The following DCBLD2 variants were observed in gnomAD, a reference collection of about 807,000 sequenced individuals.
DCBLD2 encodes the protein discoidin, CUB and LCCL domain containing 2.
DCBLD2 carries 54 observed loss-of-function variants against 86.8 expected under a neutral mutation model. The ratio of observed to expected loss-of-function variants is 0.62; its 90% CI spans 0.50 to 0.78. The LOEUF (loss-of-function observed/expected upper bound fraction) is 0.78. Among genes scored for constraint, DCBLD2 ranks in the 30% least tolerant of loss-of-function variants. The pLI, the probability that DCBLD2 is intolerant of heterozygous loss-of-function variation, is 0.00. For synonymous variants in DCBLD2, 354 were observed against 341.3 expected (o/e 1.04, Z -0.41); for missense variants, 908 against 954.2 (o/e 0.95, Z 0.64).
At chr3:98,854,032 A>C (rs1942888353) in intron 2 of DCBLD2, among the ~76,000 whole-genome samples, 1 of 152,160 alleles carries the variant, frequency 6.6e-6, no homozygotes. Context: ...TAGTCTCAAA[A>C]ACAAAATTTG....
chr3:98,827,776 C>T (rs944768428), intron 3 of DCBLD2, among the ~76,000 whole-genome samples: 1 of 152,184 alleles, frequency 6.6e-6, no homozygotes, highest in African/African-American at 2.4e-5. Context: ...AAACAGCCTT[C>T]CAGAAAATTG....
chr3:98,840,800 G>A (rs752237589), intron 3 of DCBLD2, among the ~76,000 whole-genome samples: 5 of 152,158 alleles, frequency 3.3e-5, no homozygotes, highest in Non-Finnish European at 5.9e-5. Flanking sequence ...TATTTGCTAC[G>A]TTTTAAACTG....
chr3:98,883,386 A>AT (rs1202724003), intron 1 of DCBLD2, among the ~76,000 whole-genome samples: 6 of 152,120 alleles, frequency 3.9e-5, no homozygotes, highest in African/African-American at 1.4e-4. Flanking sequence ...CGCACACCTT[A>AT]TTTTTTCCCT....
chr3:98,821,773 C>T (rs1454311603), intron 6 of DCBLD2, among the ~76,000 whole-genome samples: 2 of 152,098 alleles, frequency 1.3e-5, no homozygotes, highest in African/African-American at 4.8e-5. Flanking sequence ...ACTGGCTGGG[C>T]ACGGTGGGTC....
Position 98,901,567 on chromosome 3 carries a change from AGCGGAGTCCTCGAGCC to A in DCBLD2, c.-257_-242del, listed in dbSNP as rs1943853648. ...GAGCGCAGGGGAGGGGAGGGAAGGAAGCGGAGTCCTCGAGCCGCGGAGGACGGCCGCGGCGGAGCTA... is the reference window on the plus strand; with the variant it reads ...GAGCGCAGGGGAGGGGAGGGAAGGAAGCGGAGGACGGCCGCGGCGGAGCTA... On this transcript the variant is annotated 5_prime_UTR_variant, in exon 1 of 16. Transcript: ENST00000326840. 2 of 339,672 alleles carry A rather than the reference AGCGGAGTCCTCGAGCC, an allele frequency of 5.9e-6. No homozygotes were observed. Among genetic ancestry groups the A allele is most frequent in the African/African-American group, 2.2e-5 (1 of 46,440 alleles). The allele number at this position is 339,672 out of a possible 1,614,324, so 21.0% of individuals were successfully genotyped here.
intron 2 of DCBLD2, among the ~76,000 whole-genome samples, chr3:98,859,475 C>A (rs12488769): frequency 3.3e-5 from 5 of 152,198 alleles, no homozygotes; most frequent in African/African-American, 1.2e-4. Context: ...AGGCACCCCC[C>A]AGTAGGGGCA....
At chr3:98,836,501 A>G (rs1942451870) in intron 3 of DCBLD2, among the ~76,000 whole-genome samples, 1 of 151,840 alleles carries the variant, frequency 6.6e-6, no homozygotes, top group Non-Finnish European at 1.5e-5. Context: ...TTCTTTCTAC[A>G]CAGACACCGC....
Position 98,799,191 on chromosome 3 carries a change from C to T in DCBLD2, c.*181G>A, listed in dbSNP as rs2107413435. On this transcript the variant is annotated 3_prime_UTR_variant, in exon 16 of 16. Transcript: ENST00000326840. ...ATTTAACAGGCGAGCAGTAACTGTG[C>T]CACCATAACACCTTAAAGCAAGATG... The T allele has an allele frequency of 1.7e-6, 1 of 604,774 alleles. No homozygotes were observed. The highest frequency in any genetic ancestry group is 2.8e-6 in the Non-Finnish European group (1 of 358,878). The allele number at this position is 604,774 out of a possible 1,614,324, so 37.5% of individuals were successfully genotyped here.
intron 1 of DCBLD2, among the ~76,000 whole-genome samples, chr3:98,900,128 TTCGGCA>T (rs1171108683): frequency 5.3e-5 from 8 of 152,196 alleles, no homozygotes. Flanking sequence ...CCTGTCAAGG[TTCGGCA>T]TCTTCTTAAT....
chr3:98,813,387 G>T (rs540571650), intron 9 of DCBLD2: 1 of 152,496 alleles, frequency 6.6e-6, no homozygotes, highest in East Asian at 1.9e-4. Context: ...CTCCTGAGTA[G>T]CTGGGATTAC....
chr3:98,816,378 C>T (rs1221015789), intron 9 of DCBLD2: 2 of 151,972 alleles, frequency 1.3e-5, no homozygotes, highest in African/African-American at 4.8e-5. Flanking sequence ...ATAGTATAAG[C>T]CTGAACAATT....
At chr3:98,854,692 T>C (rs1479292221) in intron 2 of DCBLD2, among the ~76,000 whole-genome samples, 2 of 152,260 alleles carry the variant, frequency 1.3e-5, no homozygotes, top group Admixed American at 6.5e-5. Flanking sequence ...CAACATATCA[T>C]AGTCATTGTA....
At chr3:98,869,007 T>C (rs1576193324) in intron 2 of DCBLD2, among the ~76,000 whole-genome samples, 1 of 152,188 alleles carries the variant, frequency 6.6e-6, no homozygotes, top group Non-Finnish European at 1.5e-5. Flanking sequence ...CTGAACTGAA[T>C]GGTAGATCTG....
intron 12 of DCBLD2, among the ~76,000 whole-genome samples, chr3:98,810,634 A>G (rs899327020): frequency 6.6e-6 from 1 of 152,208 alleles, no homozygotes; most frequent in African/African-American, 2.4e-5. Flanking sequence ...TTTATCACTG[A>G]TAACAAAACT....
At chr3:98,852,888 G>A (rs1357874622) in intron 2 of DCBLD2, among the ~76,000 whole-genome samples, 2 of 146,624 alleles carry the variant, frequency 1.4e-5, no homozygotes, top group Non-Finnish European at 3.0e-5. Flanking sequence ...AGTACACTTG[G>A]AAGAGAACTG....
At chr3:98,802,732 G>C (rs1323512429) in intron 13 of DCBLD2, among the ~76,000 whole-genome samples, 4 of 152,144 alleles carry the variant, frequency 2.6e-5, no homozygotes, top group Non-Finnish European at 4.4e-5. Flanking sequence ...TGTATAAGGT[G>C]TAAGGAAGGG....
intron 1 of DCBLD2, chr3:98,895,301 T>C (rs1450873245): frequency 2.0e-5 from 3 of 152,162 alleles, no homozygotes; most frequent in African/African-American, 4.8e-5. Flanking sequence ...ATGGAAGTCA[T>C]TAACACAGCT....
intron 2 of DCBLD2, among the ~76,000 whole-genome samples, chr3:98,853,751 G>A (rs13076960): frequency 0.064 from 9,737 of 152,238 alleles, 376 homozygotes; most frequent in African/African-American, 0.078. Flanking sequence ...ATATTGTTAC[G>A]AAACTTGAGA....
chr3:98,822,215 C>T lies in DCBLD2; in HGVS notation c.830+13G>A, dbSNP rs749727180. On this transcript the variant is annotated intron_variant, in intron 6 of 15. Transcript: ENST00000326840. The stretch of plus-strand genomic sequence containing the variant: ...TATATAGCATATATTTTTTAAATTG[C>T]ATATATACTTACACCACAGATGTGA... 6.8e-6 allele frequency: 11 copies of T among 1,612,844 alleles called. No homozygotes were observed. Among genetic ancestry groups the T allele is most frequent in the Non-Finnish European group, 7.6e-6 (9 of 1,179,242 alleles).
Sources: gnomAD v4.1 joint callset for allele counts (sites outside exome capture counted in the v4.1 genomes callset) on GRCh38, gnomAD v4.1.1 for gene constraint, MANE v1.5 for transcripts, NCBI Gene and HGNC (gene_info 2026-07-23, HGNC 2026-07-21) for gene names.